The following DPP6 variants were observed in gnomAD, a reference collection of about 807,000 sequenced individuals.
DPP6 encodes the protein A-type potassium channel modulatory protein DPP6.
In DPP6, 69 loss-of-function variants were observed where a neutral mutation model predicts 122.6. That is an observed-to-expected ratio of 0.56 (90% CI 0.46 to 0.69). DPP6 has a LOEUF of 0.69. Ranked by LOEUF, DPP6 falls within the 30% of genes least tolerant of loss-of-function variation. The probability of loss-of-function intolerance (pLI) is 0.00; values close to 1 mark genes in which losing one functional copy is unlikely to be tolerated. For synonymous variants in DPP6, 418 were observed against 433.1 expected (o/e 0.97, Z 0.43); for missense variants, 928 against 1,116.9 (o/e 0.83, Z 2.41).
chr7:154,085,001 A>AG (rs1478688087), intron 1 of DPP6, among the ~76,000 whole-genome samples: 1 of 151,600 alleles, frequency 6.6e-6, no homozygotes, highest in Non-Finnish European at 1.5e-5. Context: ...AAAAAAAAAA[A>AG]AAAAAAAAAA....
intron 4 of DPP6, among the ~76,000 whole-genome samples, chr7:154,565,216 C>T (rs1449654926): frequency 2.6e-5 from 4 of 152,136 alleles, no homozygotes; most frequent in Non-Finnish European, 5.9e-5. Context: ...AATGTTTAGA[C>T]TAGAGGTTCA....
chr7:153,964,948 C>CTTTT (rs1270394805), intron 1 of DPP6, among the ~76,000 whole-genome samples: 1 of 80,200 alleles, frequency 1.2e-5, no homozygotes, highest in Non-Finnish European at 2.4e-5. Context: ...CTTTTTCTTT[C>CTTTT]TTTCTCTCTT....
chr7:154,282,572 G>A lies in DPP6; in HGVS notation c.244-163642G>A, dbSNP rs1174974891. On this transcript the variant is annotated intron_variant, in intron 1 of 25. Coordinates refer to ENST00000377770, the MANE Select transcript of DPP6 (RefSeq NM_130797.4). This position sits in a 1 kb window ranked among gnomAD's most constrained non-coding sequence, Gnocchi z 4.8. ...CTCAATGGTGGGAAGGGGATGGGAT[G>A]CAGCCCAGGGCCTCCCTGCCCATGG... 6.6e-6 allele frequency among the ~76,000 whole-genome samples: 1 copy of A among 152,212 alleles called. No homozygotes were observed. The highest frequency in any genetic ancestry group is 1.5e-5 in the Non-Finnish European group (1 of 68,040).
chr7:154,165,701 A>C (rs183564404), intron 1 of DPP6, among the ~76,000 whole-genome samples: 2 of 152,192 alleles, frequency 1.3e-5, no homozygotes, highest in Admixed American at 6.5e-5. Flanking sequence ...CTGCCATTCT[A>C]ACTGATGTGA....
intron 5 of DPP6, among the ~76,000 whole-genome samples, chr7:154,635,107 A>T (rs1039288790): frequency 4.0e-4 from 61 of 152,218 alleles, no homozygotes; most frequent in African/African-American, 1.3e-3. Context: ...GAGAGACAGA[A>T]CTCAGGTCAA....
intron 1 of DPP6, among the ~76,000 whole-genome samples, chr7:153,973,670 T>TGA: frequency 7.1e-6 from 1 of 140,308 alleles, no homozygotes; most frequent in Admixed American, 7.5e-5. Context: ...TGTGTGTGTG[T>TGA]GTGTGTCTAA....
chr7:153,787,372 A>T, the DPP6 span, among the ~76,000 whole-genome samples: 1 of 148,244 alleles, frequency 6.7e-6, no homozygotes, highest in Admixed American at 6.7e-5. Flanking sequence ...TCTAAACCCT[A>T]ACAGTCGTTC....
intron 5 of DPP6, among the ~76,000 whole-genome samples, chr7:154,637,484 G>T (rs577799335): frequency 1.5e-4 from 23 of 152,278 alleles, no homozygotes; most frequent in Non-Finnish European, 2.8e-4. Flanking sequence ...TCTAGCTGAC[G>T]GTGCCTGATG....
intron 7 of DPP6, among the ~76,000 whole-genome samples, chr7:154,680,056 A>G (rs543553355): frequency 1.3e-5 from 2 of 152,302 alleles, no homozygotes; most frequent in African/African-American, 4.8e-5. Context: ...AAGAGTGAGG[A>G]GAATTAGGAA....
chr7:154,550,461 A>T (rs1411226834), intron 4 of DPP6, among the ~76,000 whole-genome samples: 1 of 152,200 alleles, frequency 6.6e-6, no homozygotes, highest in Non-Finnish European at 1.5e-5. Context: ...ACAAATATAA[A>T]ATTGTCTTCC....
At chr7:154,386,620 C>T (rs1197410562) in intron 1 of DPP6, among the ~76,000 whole-genome samples, 1 of 152,046 alleles carries the variant, frequency 6.6e-6, no homozygotes, top group Non-Finnish European at 1.5e-5. Context: ...CCAGGAGGAT[C>T]CAACAGGAAG....
chr7:154,201,602 C>A (rs766898672), intron 1 of DPP6, among the ~76,000 whole-genome samples: 1 of 152,208 alleles, frequency 6.6e-6, no homozygotes, highest in African/African-American at 2.4e-5. Context: ...GCAGGTCCCA[C>A]GCCGGACTGT....
At chr7:153,925,445 G>A (rs1301637582) in intron 1 of DPP6, among the ~76,000 whole-genome samples, 1 of 151,432 alleles carries the variant, frequency 6.6e-6, no homozygotes, top group Admixed American at 6.6e-5. Context: ...CATGGTGGAA[G>A]GTCCCCGAGG....
Position 154,755,610 on chromosome 7 carries a change from G to A in DPP6, c.884-13807G>A, listed in dbSNP as rs190524929. Among the ~76,000 whole-genome samples the A allele has an allele frequency of 3.5e-4, 54 of 152,262 alleles. No individual in the cohort carries two copies. The highest frequency in any genetic ancestry group is 1.3e-3 in the African/African-American group (52 of 41,560). ...GCTTGGCGTGTGCTGGGTGCTCACC[G>A]ACTGCTGGGTGTGGCCATCACCATC... On this transcript the variant is annotated intron_variant, in intron 8 of 25. Coordinates refer to ENST00000377770, the MANE Select transcript of DPP6 (RefSeq NM_130797.4). The surrounding 1 kb of genome is among the most constrained non-coding windows in gnomAD (Gnocchi z 4.7).
At chr7:154,587,858 G>C in intron 5 of DPP6, 1 of 1,612,882 alleles carries the variant, frequency 6.2e-7, no homozygotes, top group Non-Finnish European at 8.5e-7. Context: ...GTACAAGGGG[G>C]ACCTGTTTCA....
intron 1 of DPP6, among the ~76,000 whole-genome samples, chr7:153,959,244 C>T (rs1178355334): frequency 6.6e-6 from 1 of 151,910 alleles, no homozygotes; most frequent in African/African-American, 2.4e-5. Flanking sequence ...TCTGCAGTGC[C>T]TCTTTCCCTG....
intron 1 of DPP6, among the ~76,000 whole-genome samples, chr7:154,436,700 C>T (rs923713): frequency 0.68 from 103,353 of 152,060 alleles, 35,184 homozygotes; most frequent in East Asian, 0.78. Context: ...ATAGCCCATT[C>T]AGGTCTAGAA....
Position 154,392,572 on chromosome 7 carries a change from T to G in DPP6, c.244-53642T>G, listed in dbSNP as rs534188071. On this transcript the variant is annotated intron_variant, in intron 1 of 25. Coordinates refer to ENST00000377770, the MANE Select transcript of DPP6 (RefSeq NM_130797.4). Reference sequence around the variant, plus strand: ...AGTCATCCAAGTTGGATTTTGTTTATTTGACTTAGGGTAGATGTTGGACCA... The same window carrying G: ...AGTCATCCAAGTTGGATTTTGTTTAGTTGACTTAGGGTAGATGTTGGACCA... Among the ~76,000 whole-genome samples, 14 of 152,308 alleles carry G rather than the reference T, an allele frequency of 9.2e-5. No homozygotes were observed. In the South Asian group the frequency reaches 2.9e-3, roughly 32 times the overall value.
intron 1 of DPP6, among the ~76,000 whole-genome samples, chr7:154,332,938 G>GTCTTGGGCACTGGAGGA (rs1174499655): frequency 6.6e-6 from 1 of 152,120 alleles, no homozygotes; most frequent in Non-Finnish European, 1.5e-5. Context: ...TCTTATCTGG[G>GTCTTGGGCACTGGAGGA]TCTTGGGCAC....
Sources: gnomAD v4.1 joint callset for allele counts (sites outside exome capture counted in the v4.1 genomes callset) on GRCh38, gnomAD v4.1.1 for gene constraint, Gnocchi (gnomAD v3.1) non-coding constraint, MANE v1.5 for transcripts, NCBI Gene and HGNC (gene_info 2026-07-23, HGNC 2026-07-21) for gene names.